The following FRMPD2 variants were observed in gnomAD, a reference collection of about 807,000 sequenced individuals.
The protein encoded by FRMPD2 is FERM and PDZ domain-containing protein 2.
Under a neutral mutation model 140.1 loss-of-function variants are expected in FRMPD2, and 96 were observed. The ratio of observed to expected loss-of-function variants is 0.69; its 90% CI spans 0.58 to 0.81. The LOEUF (loss-of-function observed/expected upper bound fraction) is 0.81, where lower values mean the gene tolerates loss of function less well. FRMPD2 is among the 40% of genes least tolerant of loss of function. FRMPD2 has a pLI of 0.00. For synonymous variants in FRMPD2, 449 were observed against 547.6 expected (o/e 0.82, Z 2.52); for missense variants, 1,240 against 1,447.4 (o/e 0.86, Z 2.32).
chr10:48,205,613 AT>A (rs1244024576), intron 14 of FRMPD2, among the ~76,000 whole-genome samples: 1 of 152,208 alleles, frequency 6.6e-6, no homozygotes, highest in Non-Finnish European at 1.5e-5. Flanking sequence ...AGTTAATGTA[AT>A]TTGAGTAATT....
intron 1 of FRMPD2, among the ~76,000 whole-genome samples, chr10:48,271,813 A>T (rs1218785583): frequency 6.6e-6 from 1 of 152,214 alleles, no homozygotes; most frequent in Non-Finnish European, 1.5e-5. Flanking sequence ...TAGTGGCTGG[A>T]AGAGCAGGCT....
chr10:48,274,610 A>G lies in FRMPD2; in HGVS notation c.-43T>C, dbSNP rs968322785. ...CAGGTCTAGGCCTTCATCATGGGAC[A>G]ACTTTCCAACAAGGAGCAGGGGTCT... On this transcript the variant is annotated 5_prime_UTR_variant, in exon 1 of 29. Transcript: ENST00000374201. The G allele has an allele frequency of 4.4e-6, 7 of 1,605,188 alleles. No homozygotes were observed. The African/African-American group carries it at 8.0e-5, about 18-fold the overall frequency.
chr10:48,254,106 G>A (rs898624719), intron 1 of FRMPD2, among the ~76,000 whole-genome samples: 19 of 151,728 alleles, frequency 1.3e-4, no homozygotes, highest in Non-Finnish European at 2.5e-4. Context: ...GCACAAGCAC[G>A]ATCCCTCTAC....
intron 10 of FRMPD2, among the ~76,000 whole-genome samples, chr10:48,226,462 G>T (rs1386178355): frequency 1.3e-5 from 2 of 152,162 alleles, no homozygotes; most frequent in Non-Finnish European, 2.9e-5. Context: ...GTTCTAGATG[G>T]GTGGAATAAA....
At chr10:48,255,569 C>T (rs897612799) in intron 1 of FRMPD2, among the ~76,000 whole-genome samples, 15 of 152,150 alleles carry the variant, frequency 9.9e-5, no homozygotes, top group Admixed American at 2.6e-4. Context: ...ATGTTAACAA[C>T]CTACCCTGAG....
intron 1 of FRMPD2, among the ~76,000 whole-genome samples, chr10:48,273,971 T>A (rs1012426499): frequency 6.6e-6 from 1 of 152,082 alleles, no homozygotes; most frequent in Non-Finnish European, 1.5e-5. Context: ...GCCAGGTGAA[T>A]CATTTCTTTT....
rs1172562011 is a variant in FRMPD2 at position 48,269,021 on chromosome 10, G to A, written c.25+5522C>T. ...AGATTAGGAGAAAATATATATAATG[G>A]CAAAAGGGTTACTATTTACTCATCA... On this transcript the variant is annotated intron_variant, in intron 1 of 28. Transcript: ENST00000374201. 3.3e-5 allele frequency among the ~76,000 whole-genome samples: 5 copies of A among 151,750 alleles called. No individual in the cohort carries two copies. The East Asian group carries it at 9.7e-4, about 29-fold the overall frequency.
chr10:48,234,843 C>T (rs545643011), intron 9 of FRMPD2, among the ~76,000 whole-genome samples: 7 of 152,258 alleles, frequency 4.6e-5, no homozygotes, highest in Admixed American at 6.5e-5. Context: ...CTGTTCCCAT[C>T]GCCTGGAGTC....
At chr10:48,159,576 A>C (rs1837878744) in intron 28 of FRMPD2, among the ~76,000 whole-genome samples, 1 of 151,924 alleles carries the variant, frequency 6.6e-6, no homozygotes, top group Admixed American at 6.6e-5. Flanking sequence ...CAGTTGAGTG[A>C]GATCTCTGGC....
intron 12 of FRMPD2, among the ~76,000 whole-genome samples, chr10:48,213,049 A>T (rs4838580): frequency 2.8e-4 from 43 of 151,930 alleles, no homozygotes; most frequent in Non-Finnish European, 4.4e-5. Flanking sequence ...GAGGAAGGCA[A>T]GTGGGAGCTG....
Position 48,237,977 on chromosome 10 carries a change from C to G in FRMPD2, c.921+14G>C, listed in dbSNP as rs754573028. The G allele has an allele frequency of 6.2e-7, 1 of 1,614,134 alleles. No homozygotes were observed. Among genetic ancestry groups the G allele is most frequent in the Admixed American group, 1.7e-5 (1 of 60,028 alleles). ...GCCTCCTTGAGGAGTGTCCTTCAGCCTTATTTTGCTTACCTTGCTCCTTCT... is the reference window on the plus strand; with the variant it reads ...GCCTCCTTGAGGAGTGTCCTTCAGCGTTATTTTGCTTACCTTGCTCCTTCT... On this transcript the variant is annotated intron_variant, in intron 8 of 28. Transcript: ENST00000374201.
chr10:48,230,581 G>T (rs1839827573), intron 10 of FRMPD2, among the ~76,000 whole-genome samples: 1 of 152,216 alleles, frequency 6.6e-6, no homozygotes, highest in African/African-American at 2.4e-5. Context: ...AACTTACTTA[G>T]TAAACAAATT....
rs148294746 is a variant in FRMPD2 at position 48,201,214 on chromosome 10, C to G, written c.1954+14G>C. The G allele has an allele frequency of 1.3e-6, 2 of 1,584,946 alleles. No individual in the cohort carries two copies. The highest frequency in any genetic ancestry group is 1.7e-6 in the Non-Finnish European group (2 of 1,164,998). ...CTTGTCAAAGTGTATATGGAGAATACAGCTTCTACTCACCAAATAAAACAT... is the reference window on the plus strand; with the variant it reads ...CTTGTCAAAGTGTATATGGAGAATAGAGCTTCTACTCACCAAATAAAACAT... On this transcript the variant is annotated intron_variant, in intron 15 of 28. Coordinates refer to ENST00000374201, the MANE Select transcript of FRMPD2 (RefSeq NM_001018071.4).
rs192798634 is a variant in FRMPD2, at chr10:48,213,028, C to A, written c.1456-919G>T. 4.8e-4 allele frequency among the ~76,000 whole-genome samples: 73 copies of A among 152,282 alleles called. 1 individual carries two copies. In the East Asian group the frequency reaches 0.012, roughly 25 times the overall value. The stretch of plus-strand genomic sequence containing the variant: ...CAAGCCATTTCCCTCCAGTTGAGGG[C>A]AGTTACTCATGAGGAAGGCAAGTGG... On this transcript the variant is annotated intron_variant, in intron 12 of 28. Coordinates refer to ENST00000374201, the MANE Select transcript of FRMPD2 (RefSeq NM_001018071.4).
rs772567731 is a variant in FRMPD2 at position 48,240,400 on chromosome 10, G to A, written c.660C>T (p.Ser220=). ...GACACTCCGGGGCCTGTGCCGCTGG[G>A]CTCTCGCTGCTTGTCCCACGCAGCC... ...RKRLRGTSSE[S]PAAQAPECLH... is the part of the protein sequence containing the mutation. Residue 220 remains serine (S), a synonymous_variant, in exon 6 of 29, where the codon AGC becomes AGT. Transcript: ENST00000374201. The A allele has an allele frequency of 3.7e-6, 6 of 1,613,214 alleles. No individual in the cohort carries two copies. Among genetic ancestry groups the A allele is most frequent in the Non-Finnish European group, 4.2e-6 (5 of 1,180,042 alleles).
chr10:48,240,547 T>C (rs1840083999), intron 5 of FRMPD2, 55 bp from the exon 6 acceptor site: 7 of 1,605,608 alleles, frequency 4.4e-6, no homozygotes, highest in East Asian at 2.2e-5. Context: ...GGGGCGTTTT[T>C]ATAGATACAT....
At chr10:48,262,172 T>C (rs577881623) in intron 1 of FRMPD2, among the ~76,000 whole-genome samples, 1 of 151,868 alleles carries the variant, frequency 6.6e-6, no homozygotes, top group South Asian at 2.1e-4. Flanking sequence ...ACTGACAGAG[T>C]AGATTAAAAA....
chr10:48,259,607 A>C (rs1840543711), intron 1 of FRMPD2, among the ~76,000 whole-genome samples: 1 of 151,872 alleles, frequency 6.6e-6, no homozygotes, highest in South Asian at 2.1e-4. Context: ...GAGAAACAGA[A>C]CCAGTAGTAC....
At position 48,195,925 on chromosome 10, in the gene FRMPD2, A is replaced by G. The variant is rs147609796; in HGVS notation, c.1955-3031T>C. ...CCACAAATAAAAGTGGCAGAATAAT[A>G]CAGGTGAGAAGACAGAGGTCTGCAC... On this transcript the variant is annotated intron_variant, in intron 15 of 28. Transcript: ENST00000374201. Among the ~76,000 whole-genome samples the G allele has an allele frequency of 4.2e-3, 641 of 152,352 alleles. 4 individuals are homozygous for G. Among genetic ancestry groups the G allele is most frequent in the African/African-American group, 0.015 (608 of 41,576 alleles).
Sources: gnomAD v4.1 joint callset for allele counts (sites outside exome capture counted in the v4.1 genomes callset) on GRCh38, gnomAD v4.1.1 for gene constraint, MANE v1.5 for transcripts, NCBI Gene and HGNC (gene_info 2026-07-23, HGNC 2026-07-21) for gene names.